Variants in ZHX2 observed in about 807,000 individuals in gnomAD.
The protein encoded by ZHX2 is zinc fingers and homeoboxes protein 2.
Under a neutral mutation model 21.9 loss-of-function variants are expected in ZHX2, and 6 were observed. The observed-to-expected ratio is 0.27, with a 90% CI of 0.15 to 0.54. The LOEUF is 0.54. ZHX2 is among the 20% of genes least tolerant of loss of function. ZHX2 has a pLI of 0.95. For missense variants in ZHX2, 908 were observed against 1,090.7 expected, an observed-to-expected ratio of 0.83 and a Z score of 2.36; for synonymous variants, 434 against 437.1, an observed-to-expected ratio of 0.99 and a Z score of 0.09.
At chr8:122,833,355 G>A (rs1227861559) in intron 1 of ZHX2, among the ~76,000 whole-genome samples, 2 of 152,262 alleles carry the variant, frequency 1.3e-5, no homozygotes, top group African/African-American at 2.4e-5. Flanking sequence ...TGGTGAGGAG[G>A]TGAGAAATGA....
rs142031452 is a variant in ZHX2, at chr8:122,951,841, G to A, written c.331G>A (p.Val111Met). 7.4e-5 allele frequency: 119 copies of A among 1,613,980 alleles called. No homozygotes were observed. The highest frequency in any genetic ancestry group is 1.6e-4 in the Middle Eastern group (1 of 6,084). Residue 111 changes from valine to methionine, a missense_variant, in exon 3 of 4, where the codon GTG becomes ATG. By Grantham distance (21) the Val-to-Met change is conservative. This residue lies in a region of ZHX2 where 220 missense variants were observed against 251.4 expected (regional missense o/e 0.88). Coordinates refer to ENST00000314393, the MANE Select transcript of ZHX2 (RefSeq NM_014943.5). ...HPNVILNPLY[V>M]CAECNFTTKK... is the part of the protein sequence containing the mutation. ...CAACGTGATTCTCAACCCCCTCTAC[G>A]TGTGTGCAGAATGTAACTTCACAAC...
chr8:122,937,045 C>A (rs1177124931), intron 2 of ZHX2, among the ~76,000 whole-genome samples: 1 of 152,230 alleles, frequency 6.6e-6, no homozygotes, highest in Non-Finnish European at 1.5e-5. Flanking sequence ...GGGTAGGGGT[C>A]TTTCTCTAGA....
At chr8:122,784,326 C>T (rs1051269277) in intron 1 of ZHX2, among the ~76,000 whole-genome samples, 2 of 152,204 alleles carry the variant, frequency 1.3e-5, no homozygotes. Context: ...ATTCTCACCA[C>T]AATCCTGTGA....
chr8:122,886,289 A>G (rs1388476143), intron 2 of ZHX2, among the ~76,000 whole-genome samples: 1 of 152,240 alleles, frequency 6.6e-6, no homozygotes, highest in Non-Finnish European at 1.5e-5. Flanking sequence ...AAAAATATGC[A>G]GACAGTAAAA....
rs1333628596 is a variant in ZHX2 at position 122,955,080 on chromosome 8, G to T, written c.*4+1052G>T. ...AGAGTCACATAAGCCGGGGGGGGGG[G>T]GGTGGCAGGGCGGTTTCCATGGTTA... On this transcript the variant is annotated intron_variant, in intron 3 of 3. Coordinates refer to ENST00000314393, the MANE Select transcript of ZHX2 (RefSeq NM_014943.5). Among the ~76,000 whole-genome samples the T allele has an allele frequency of 1.3e-4, 18 of 143,646 alleles. 1 individual carries two copies. Among genetic ancestry groups the T allele is most frequent in the Non-Finnish European group, 2.1e-4 (14 of 65,258 alleles). The allele number at this position is 143,646 out of a possible 152,430, so 94.2% of individuals were successfully genotyped here. A position where few individuals can be genotyped will look rare whatever the true frequency, so the allele number is the denominator to read the frequency against.
intron 3 of ZHX2, among the ~76,000 whole-genome samples, chr8:122,955,272 A>G (rs1005318538): frequency 2.6e-5 from 4 of 152,244 alleles, no homozygotes; most frequent in East Asian, 1.9e-4. Flanking sequence ...AGCAAATATT[A>G]CAAGGAGGAA....
chr8:122,823,016 T>A (rs1205048980), intron 1 of ZHX2, among the ~76,000 whole-genome samples: 1 of 152,190 alleles, frequency 6.6e-6, no homozygotes, highest in African/African-American at 2.4e-5. Flanking sequence ...GTGGTATGTT[T>A]TCTGTAAAAT....
At chr8:122,795,074 C>G (rs2130550242) in intron 1 of ZHX2, among the ~76,000 whole-genome samples, 1 of 152,324 alleles carries the variant, frequency 6.6e-6, no homozygotes, top group African/African-American at 2.4e-5. Flanking sequence ...AGGGCTGGCC[C>G]ACTTCATAGG....
At chr8:122,796,044 G>A (rs1418642275) in intron 1 of ZHX2, among the ~76,000 whole-genome samples, 20 of 151,894 alleles carry the variant, frequency 1.3e-4, no homozygotes, top group African/African-American at 3.4e-4. Flanking sequence ...GGTGGCAGGC[G>A]CCTGTAATGC....
At chr8:122,849,345 C>G (rs1818833268) in intron 1 of ZHX2, among the ~76,000 whole-genome samples, 1 of 152,220 alleles carries the variant, frequency 6.6e-6, no homozygotes, top group South Asian at 2.1e-4. Flanking sequence ...GCTTACCTCT[C>G]TATGCCTGGT....
intron 2 of ZHX2, among the ~76,000 whole-genome samples, chr8:122,925,207 AT>A (rs1820821985): frequency 6.6e-6 from 1 of 152,252 alleles, no homozygotes; most frequent in South Asian, 2.1e-4. Context: ...TGTGGCATGA[AT>A]TACTAGTTGA....
chr8:122,822,417 A>G (rs754177779), intron 1 of ZHX2, among the ~76,000 whole-genome samples: 1 of 152,312 alleles, frequency 6.6e-6, no homozygotes. Context: ...TTGCTCAAGG[A>G]CCAGCGAGTA....
intron 3 of ZHX2, among the ~76,000 whole-genome samples, chr8:122,957,152 C>T (rs1813324134): frequency 6.6e-6 from 1 of 152,074 alleles, no homozygotes; most frequent in Non-Finnish European, 1.5e-5. Context: ...AACCAAAGAA[C>T]TTACCCACAT....
chr8:122,909,954 T>C (rs79689096), intron 2 of ZHX2, among the ~76,000 whole-genome samples: 309 of 152,300 alleles, frequency 2.0e-3, no homozygotes, highest in Non-Finnish European at 3.9e-3. Context: ...TACCTCTCAC[T>C]GGAAGGGCAG....
At chr8:122,958,164 C>T (rs191641817) in intron 3 of ZHX2, among the ~76,000 whole-genome samples, 2 of 152,304 alleles carry the variant, frequency 1.3e-5, no homozygotes, top group Admixed American at 1.3e-4. Flanking sequence ...TTAAGCATCT[C>T]CTGCAACCAA....
At position 122,810,214 on chromosome 8, in the gene ZHX2, A is replaced by C. The variant is rs555161847; in HGVS notation, c.-283+28268A>C. 1.1e-3 allele frequency among the ~76,000 whole-genome samples: 168 copies of C among 152,334 alleles called. 1 individual carries two copies. The highest frequency in any genetic ancestry group is 3.7e-3 in the African/African-American group (152 of 41,578). On this transcript the variant is annotated intron_variant, in intron 1 of 3. Coordinates refer to ENST00000314393, the MANE Select transcript of ZHX2 (RefSeq NM_014943.5). ...TTAAGAACTGGCACAGCCACTTATG[A>C]GCTGCAGTGACACATAAATGCCCTT... is the stretch of plus-strand genomic sequence containing the variant.
chr8:122,833,718 C>T (rs575872646), intron 1 of ZHX2, among the ~76,000 whole-genome samples: 2 of 152,180 alleles, frequency 1.3e-5, no homozygotes, highest in East Asian at 1.9e-4. Flanking sequence ...GTGAGCGGGC[C>T]GGGCGCGGTG....
chr8:122,875,161 A>ATATATATG (rs1819539851), intron 2 of ZHX2, among the ~76,000 whole-genome samples: 1 of 42,180 alleles, frequency 2.4e-5, no homozygotes, highest in Non-Finnish European at 4.3e-5. Context: ...ATATATATAT[A>ATATATATG]TATATATATA....
intron 2 of ZHX2, among the ~76,000 whole-genome samples, chr8:122,923,914 A>G (rs1395272567): frequency 1.3e-5 from 2 of 152,238 alleles, no homozygotes; most frequent in African/African-American, 4.8e-5. Flanking sequence ...CCAAGCATTT[A>G]TACATCAAAT....
Sources: allele counts gnomAD v4.1 joint callset (sites outside exome capture counted in the v4.1 genomes callset), GRCh38; gene constraint gnomAD v4.1.1; regional missense constraint gnomAD v4.1.1; transcripts MANE v1.5; gene names NCBI Gene and HGNC (gene_info 2026-07-23, HGNC 2026-07-21).